EYS: variants seen among roughly 807,000 people sequenced by gnomAD.
EYS encodes protein eyes shut homolog.
In EYS, 250 loss-of-function variants were observed where a neutral mutation model predicts 282.1. The observed-to-expected ratio is 0.89, with a 90% CI of 0.80 to 0.98. The LOEUF (loss-of-function observed/expected upper bound fraction) is 0.98. Ranked by LOEUF, EYS falls within the 50% of genes least tolerant of loss-of-function variation. The pLI, the probability that EYS is intolerant of heterozygous loss-of-function variation, is 0.00. For missense variants in EYS, 4,016 were observed against 3,709.0 expected (o/e 1.08, Z -2.15); for synonymous variants, 1,355 against 1,282.9 (o/e 1.06, Z -1.20).
intron 15 of EYS, among the ~76,000 whole-genome samples, chr6:64,925,457 G>A (rs980114482): frequency 2.0e-5 from 3 of 152,116 alleles, no homozygotes; most frequent in South Asian, 4.2e-4. Flanking sequence ...CATTGTGGTA[G>A]CGATGTGCCT....
intron 40 of EYS, among the ~76,000 whole-genome samples, chr6:63,768,451 T>C (rs144207427): frequency 6.6e-6 from 1 of 151,894 alleles, no homozygotes; most frequent in Non-Finnish European, 1.5e-5. Context: ...AAGACATACA[T>C]GAAATCAACA....
intron 12 of EYS, among the ~76,000 whole-genome samples, chr6:65,284,044 C>A (rs1356731787): frequency 1.1e-4 from 17 of 152,092 alleles, no homozygotes; most frequent in Admixed American, 1.1e-3. Context: ...CACCAGTACT[C>A]CTGGAAGAGT....
At chr6:65,617,839 G>T (rs887579212) in intron 2 of EYS, among the ~76,000 whole-genome samples, 4 of 151,752 alleles carry the variant, frequency 2.6e-5, no homozygotes, top group Non-Finnish European at 5.9e-5. Flanking sequence ...TGCTGAGAAT[G>T]ATGATTTCCA....
At chr6:65,362,592 T>G (rs1019955341) in intron 8 of EYS, among the ~76,000 whole-genome samples, 1 of 151,746 alleles carries the variant, frequency 6.6e-6, no homozygotes, top group African/African-American at 2.4e-5. Context: ...TATATGTACG[T>G]ATACATTTAT....
intron 31 of EYS, among the ~76,000 whole-genome samples, chr6:64,109,773 T>C (rs1023474323): frequency 2.6e-5 from 4 of 152,142 alleles, no homozygotes; most frequent in African/African-American, 9.6e-5. Flanking sequence ...TCTTTTTATC[T>C]GTAGCCCATA....
chr6:64,327,045 G>A (rs1032348342), intron 29 of EYS, among the ~76,000 whole-genome samples: 1 of 152,154 alleles, frequency 6.6e-6, no homozygotes, highest in Non-Finnish European at 1.5e-5. Flanking sequence ...CCGTTTCAGG[G>A]ACGGAGGAGG....
At chr6:64,694,385 A>T (rs945287536) in intron 22 of EYS, among the ~76,000 whole-genome samples, 3 of 152,184 alleles carry the variant, frequency 2.0e-5, no homozygotes. Flanking sequence ...CATAAGAAGG[A>T]AAAAGAATGC....
In EYS at chr6:64,998,878, G is replaced by A. The variant is rs116577444; in HGVS notation, c.2138-1175C>T. On this transcript the variant is annotated intron_variant, in intron 13 of 42. Transcript: ENST00000503581. ...AACAATATTTAAAATTATCCTTATG[G>A]TTATTATTTAAGTTGGGATACTGAT... Among the ~76,000 whole-genome samples, 521 of 152,166 alleles carry A rather than the reference G, an allele frequency of 3.4e-3. 1 individual carries two copies. Among genetic ancestry groups the A allele is most frequent in the African/African-American group, 0.011 (467 of 41,524 alleles).
At chr6:65,298,603 T>A (rs377321271) in intron 11 of EYS, among the ~76,000 whole-genome samples, 4 of 152,112 alleles carry the variant, frequency 2.6e-5, no homozygotes, top group African/African-American at 9.6e-5. Flanking sequence ...ACAACCTACT[T>A]GTTCCCAATT....
intron 31 of EYS, among the ~76,000 whole-genome samples, chr6:64,150,763 A>G (rs1774675078): frequency 6.6e-6 from 1 of 152,188 alleles, no homozygotes. Flanking sequence ...TGGGAGGCCA[A>G]GGAAGGAGAA....
chr6:64,986,584 G>C (rs974971480), intron 14 of EYS, among the ~76,000 whole-genome samples: 1 of 150,352 alleles, frequency 6.7e-6, no homozygotes, highest in African/African-American at 2.4e-5. Flanking sequence ...TACTTACTAT[G>C]GTTTGTTTTT....
intron 35 of EYS, among the ~76,000 whole-genome samples, chr6:63,925,146 G>A (rs561128083): frequency 9.2e-5 from 14 of 152,312 alleles, no homozygotes; most frequent in Non-Finnish European, 1.8e-4. Context: ...AAGCAGCCCT[G>A]AGAATTAAGC....
chr6:65,625,812 T>C (rs1766669806), intron 2 of EYS, among the ~76,000 whole-genome samples: 2 of 152,206 alleles, frequency 1.3e-5, no homozygotes, highest in African/African-American at 4.8e-5. Context: ...GCAAGGCAAA[T>C]TTCTCAAGAA....
At chr6:64,792,857 C>T (rs77759916) in intron 22 of EYS, among the ~76,000 whole-genome samples, 8,565 of 148,348 alleles carry the variant, frequency 0.058, 255 homozygotes, top group East Asian at 0.074. Context: ...GATCTTGACA[C>T]GTGTGTGTGT....
chr6:64,379,027 A>G (rs1379885540), intron 29 of EYS, among the ~76,000 whole-genome samples: 1 of 152,186 alleles, frequency 6.6e-6, no homozygotes, highest in Non-Finnish European at 1.5e-5. Context: ...AATATTTTAC[A>G]ATTGACTTTA....
At chr6:64,361,209 T>TG (rs965907051) in intron 29 of EYS, among the ~76,000 whole-genome samples, 23 of 70,968 alleles carry the variant, frequency 3.2e-4, no homozygotes, top group African/African-American at 8.9e-4. Context: ...TCAGAAAATA[T>TG]GGTTTTTTTT....
intron 13 of EYS, among the ~76,000 whole-genome samples, chr6:65,025,536 TA>T (rs1474942019): frequency 1.3e-5 from 2 of 152,120 alleles, no homozygotes; most frequent in Non-Finnish European, 2.9e-5. Flanking sequence ...TTTTGTTCAG[TA>T]AATAAACAGT....
chr6:64,565,509 GAC>G (rs1765538408), intron 26 of EYS, among the ~76,000 whole-genome samples: 1 of 152,034 alleles, frequency 6.6e-6, no homozygotes, highest in African/African-American at 2.4e-5. Context: ...TGGAATAATA[GAC>G]ACAGACAAAA....
intron 13 of EYS, among the ~76,000 whole-genome samples, chr6:65,036,317 T>C (rs901882380): frequency 6.6e-5 from 10 of 151,762 alleles, no homozygotes; most frequent in African/African-American, 2.4e-4. Flanking sequence ...TTTCACCATA[T>C]ACAAAAATCA....
Sources: gnomAD v4.1 joint callset for allele counts (sites outside exome capture counted in the v4.1 genomes callset) on GRCh38, gnomAD v4.1.1 for gene constraint, MANE v1.5 for transcripts, NCBI Gene and HGNC (gene_info 2026-07-23, HGNC 2026-07-21) for gene names.